The following MAP3K5 variants were observed in gnomAD, a reference collection of about 807,000 sequenced individuals.
MAP3K5 encodes ASK-1.
Under a neutral mutation model 158.7 loss-of-function variants are expected in MAP3K5, and 56 were observed. That is an observed-to-expected ratio of 0.35 (90% confidence interval 0.28 to 0.44). The LOEUF is 0.44. Ranked by LOEUF, MAP3K5 falls within the 20% of genes least tolerant of loss-of-function variation. MAP3K5 has a pLI of 1.00. For missense variants in MAP3K5, 1,294 were observed against 1,674.8 expected (o/e 0.77, Z 3.97); for synonymous variants, 579 against 601.7 (o/e 0.96, Z 0.55).
chr6:136,647,274 C>T (rs758114031), intron 11 of MAP3K5, among the ~76,000 whole-genome samples: 1 of 152,196 alleles, frequency 6.6e-6, no homozygotes, highest in Non-Finnish European at 1.5e-5. Flanking sequence ...AGCCACTTAG[C>T]ACTGTGCTAA....
intron 1 of MAP3K5, among the ~76,000 whole-genome samples, chr6:136,735,283 A>G (rs537064705): frequency 5.9e-5 from 9 of 152,202 alleles, no homozygotes; most frequent in Non-Finnish European, 1.2e-4. Flanking sequence ...TGAATTCCTT[A>G]ACAAAAACAT....
At position 136,653,303 on chromosome 6, in the gene MAP3K5, A is replaced by G. The variant is rs149013477; in HGVS notation, c.1681-2212T>C. Among the ~76,000 whole-genome samples, 652 of 152,356 alleles carry G rather than the reference A, an allele frequency of 4.3e-3. 15 individuals carry two copies. The highest frequency in any genetic ancestry group is 0.037 in the Admixed American group (567 of 15,298). On this transcript the variant is annotated intron_variant, in intron 10 of 29. Coordinates refer to ENST00000359015, the MANE Select transcript of MAP3K5 (RefSeq NM_005923.4). ...ATAAACTTTCAATTTTCTTTTGCCC[A>G]GAGTCACAGTTAATTCTTGGAGAAA...
At chr6:136,574,758 G>A (rs1195119968) in intron 25 of MAP3K5, among the ~76,000 whole-genome samples, 2 of 135,482 alleles carry the variant, frequency 1.5e-5, no homozygotes, top group African/African-American at 2.8e-5. Flanking sequence ...GCACGATCTC[G>A]GCTCACTGCA....
At chr6:136,628,059 A>G (rs557776759) in intron 14 of MAP3K5, among the ~76,000 whole-genome samples, 14 of 152,288 alleles carry the variant, frequency 9.2e-5, no homozygotes, top group Admixed American at 1.3e-4. Context: ...CAAAACATTT[A>G]GAGTCATTAT....
chr6:136,741,327 C>T (rs1053641405), intron 1 of MAP3K5, among the ~76,000 whole-genome samples: 2 of 152,062 alleles, frequency 1.3e-5, no homozygotes, highest in Admixed American at 6.6e-5. Context: ...CATACACATG[C>T]CCATTTGGTA....
At chr6:136,637,098 A>C in intron 14 of MAP3K5, 1 of 1,386,878 alleles carries the variant, frequency 7.2e-7, no homozygotes, top group East Asian at 2.7e-5. Flanking sequence ...GTTACTCGCT[A>C]TCAGGTAAGT....
At chr6:136,569,977 A>T (rs959311950) in intron 25 of MAP3K5, among the ~76,000 whole-genome samples, 1 of 152,188 alleles carries the variant, frequency 6.6e-6, no homozygotes, top group East Asian at 1.9e-4. Context: ...CCTACTAAAA[A>T]TCTGATGAAA....
At chr6:136,593,810 G>T (rs1224771470) in intron 21 of MAP3K5, 1 of 378,206 alleles carries the variant, frequency 2.6e-6, no homozygotes, top group Non-Finnish European at 5.1e-6. Flanking sequence ...AAGAATGAAG[G>T]TATAAAATTA....
chr6:136,607,070 G>A (rs1469728096), intron 18 of MAP3K5, among the ~76,000 whole-genome samples: 3 of 152,258 alleles, frequency 2.0e-5, no homozygotes, highest in African/African-American at 4.8e-5. Flanking sequence ...CCCCAAAGAC[G>A]CTCGCCCACC....
rs573962137 is a variant in MAP3K5 at position 136,670,226 on chromosome 6, ATTTAC to A, written c.1254-836_1254-832del. Reference sequence around the variant, plus strand: ...TTTAAAAGGACTTCAGTGTTTGAATATTTACTTTATTTTCAAGGTAATACTTCCTA... The same window carrying A: ...TTTAAAAGGACTTCAGTGTTTGAATATTTATTTTCAAGGTAATACTTCCTA... On this transcript the variant is annotated intron_variant, in intron 7 of 29. Coordinates refer to ENST00000359015, the MANE Select transcript of MAP3K5 (RefSeq NM_005923.4). Among the ~76,000 whole-genome samples, 327 of 152,130 alleles carry A rather than the reference ATTTAC, an allele frequency of 2.1e-3. 1 individual carries two copies. The highest frequency in any genetic ancestry group is 7.7e-3 in the African/African-American group (318 of 41,516).
chr6:136,716,027 CAAAAAAAAAAAAAAAAAAAAAAA>C (rs60678515), intron 2 of MAP3K5, among the ~76,000 whole-genome samples: 10 of 23,034 alleles, frequency 4.3e-4, no homozygotes, highest in Non-Finnish European at 6.3e-4. Context: ...AAGATCGTCT[CAAAAAAAAAAAAAAAAAAAAAAA>C]AAAAAAAAAA....
At chr6:136,717,188 AG>A (rs1215809760) in intron 2 of MAP3K5, among the ~76,000 whole-genome samples, 6 of 152,156 alleles carry the variant, frequency 3.9e-5, no homozygotes, top group African/African-American at 1.4e-4. Flanking sequence ...TTTCATTCTT[AG>A]TACAACAAAA....
chr6:136,791,085 CAAAGATA>C, intron 1 of MAP3K5, among the ~76,000 whole-genome samples: 1 of 152,250 alleles, frequency 6.6e-6, no homozygotes, highest in East Asian at 1.9e-4. Flanking sequence ...AAAATCCTTA[CAAAGATA>C]ACACACAAGT....
In MAP3K5 at chr6:136,725,612, C is replaced by T. The variant is rs148170911; in HGVS notation, c.449-5023G>A. Reference sequence around the variant, plus strand: ...TATTTTCTGAATATTGTTCCTCTGTCAGATATGCAATTTGCAGATACTGTC... The same window carrying T: ...TATTTTCTGAATATTGTTCCTCTGTTAGATATGCAATTTGCAGATACTGTC... On this transcript the variant is annotated intron_variant, in intron 1 of 29. Transcript: ENST00000359015. Among the ~76,000 whole-genome samples, 608 of 152,248 alleles carry T rather than the reference C, an allele frequency of 4.0e-3. 15 individuals are homozygous for T. The highest frequency in any genetic ancestry group is 0.037 in the Admixed American group (569 of 15,288).
At chr6:136,731,805 G>A (rs1562653991) in intron 1 of MAP3K5, among the ~76,000 whole-genome samples, 1 of 152,150 alleles carries the variant, frequency 6.6e-6, no homozygotes, top group Non-Finnish European at 1.5e-5. Context: ...GACTGGCAAA[G>A]AACAAAAGGT....
At chr6:136,767,581 T>C (rs1193654139) in intron 1 of MAP3K5, among the ~76,000 whole-genome samples, 1 of 150,658 alleles carries the variant, frequency 6.6e-6, no homozygotes, top group Non-Finnish European at 1.5e-5. Flanking sequence ...AATCAAGAAA[T>C]GTAAATGAAA....
At position 136,792,474 on chromosome 6, in the gene MAP3K5, G is replaced by A. The variant is rs1379921194; in HGVS notation, c.-317C>T. 3.8e-5 allele frequency: 30 copies of A among 793,618 alleles called. 1 individual carries two copies. In the East Asian group the frequency reaches 1.1e-3, roughly 30 times the overall value. 49.2% of individuals were successfully genotyped at this position (793,618 alleles called of 1,614,324 possible). ...CTTTTCTTGGCCGGCTGACAAGTCGGCTCGCAAACCTGCGCCGCGGTGCAG... is the reference window on the plus strand; with the variant it reads ...CTTTTCTTGGCCGGCTGACAAGTCGACTCGCAAACCTGCGCCGCGGTGCAG... On this transcript the variant is annotated 5_prime_UTR_variant, in exon 1 of 30. Transcript: ENST00000359015. This position sits in a 1 kb window ranked among gnomAD's most constrained non-coding sequence, Gnocchi z 5.7.
intron 8 of MAP3K5, among the ~76,000 whole-genome samples, chr6:136,666,442 C>T (rs376155262): frequency 1.3e-5 from 2 of 152,064 alleles, no homozygotes; most frequent in South Asian, 4.2e-4. Context: ...TATAAGAACT[C>T]GGTAATTCGG....
intron 1 of MAP3K5, among the ~76,000 whole-genome samples, chr6:136,740,228 T>G (rs1172814409): frequency 6.6e-6 from 1 of 152,216 alleles, no homozygotes; most frequent in Non-Finnish European, 1.5e-5. Context: ...TCATTTCTTG[T>G]TTGTGTGGGA....
Sources: gnomAD v4.1 joint callset for allele counts (sites outside exome capture counted in the v4.1 genomes callset) on GRCh38, gnomAD v4.1.1 for gene constraint, Gnocchi (gnomAD v3.1) non-coding constraint, MANE v1.5 for transcripts, NCBI Gene and HGNC (gene_info 2026-07-23, HGNC 2026-07-21) for gene names.